The following PCDHGA3 variants were observed in gnomAD, a reference collection of about 807,000 sequenced individuals.
PCDHGA3 encodes the protein protocadherin gamma-A3.
PCDHGA3 carries 40 observed loss-of-function variants against 58.5 expected under a neutral mutation model. That is an observed-to-expected ratio of 0.68 (90% confidence interval 0.53 to 0.89). The LOEUF is 0.89. Among genes scored for constraint, PCDHGA3 ranks in the 40% least tolerant of loss-of-function variants. PCDHGA3 has a pLI of 0.00. For missense variants in PCDHGA3, 1,223 were observed against 1,195.9 expected (o/e 1.02, Z -0.33); for synonymous variants, 530 against 525.7 (o/e 1.01, Z -0.11).
At chr5:141,405,140 G>A in intron 1 of PCDHGA3, 1 of 1,614,072 alleles carries the variant, frequency 6.2e-7, no homozygotes, top group Non-Finnish European at 8.5e-7. Flanking sequence ...GGCTACCAGT[G>A]ATGGGTTGGC....
chr5:141,356,648 A>G (rs1328891530), intron 1 of PCDHGA3: 2 of 1,613,954 alleles, frequency 1.2e-6, no homozygotes, highest in East Asian at 2.2e-5. Context: ...GACAGTGGTG[A>G]CAATGCCCGA....
At chr5:141,413,597 A>C in intron 1 of PCDHGA3, 2 of 1,613,888 alleles carry the variant, frequency 1.2e-6, no homozygotes, top group Non-Finnish European at 8.5e-7. Context: ...CAAGCAGAAA[A>C]TCTAGACGTA....
chr5:141,398,753 G>A (rs141932976), intron 1 of PCDHGA3: 3 of 1,613,452 alleles, frequency 1.9e-6, no homozygotes, highest in East Asian at 2.2e-5. Flanking sequence ...AGTTACCATC[G>A]TTTAGTCCTG....
chr5:141,492,164 C>T (rs1180358388), intron 1 of PCDHGA3, among the ~76,000 whole-genome samples: 2 of 152,230 alleles, frequency 1.3e-5, no homozygotes, highest in East Asian at 1.9e-4. Context: ...CTCCCTATCC[C>T]CGCATCACCC....
intron 1 of PCDHGA3, among the ~76,000 whole-genome samples, chr5:141,434,225 G>A (rs1591320318): frequency 6.6e-6 from 1 of 152,146 alleles, no homozygotes; most frequent in African/African-American, 2.4e-5. Flanking sequence ...AACAAAGTAC[G>A]ATTTCTGGAC....
chr5:141,383,476 GA>G, intron 1 of PCDHGA3: 2 of 1,613,748 alleles, frequency 1.2e-6, no homozygotes, highest in Non-Finnish European at 1.7e-6. Context: ...TAAGTACCCG[GA>G]ACTGGTGCTG....
intron 1 of PCDHGA3, chr5:141,439,735 G>A (rs1317592646): frequency 1.3e-5 from 2 of 152,360 alleles, no homozygotes; most frequent in Non-Finnish European, 2.9e-5. Flanking sequence ...AGCAGGAACG[G>A]AACGGATTTA....
chr5:141,432,665 G>A lies in PCDHGA3; in HGVS notation c.2425-62142G>A. 1 of 1,613,896 alleles carries A rather than the reference G, an allele frequency of 6.2e-7. No individual in the cohort carries two copies. Among genetic ancestry groups the A allele is most frequent in the Non-Finnish European group, 8.5e-7 (1 of 1,179,956 alleles). On this transcript the variant is annotated intron_variant, in intron 1 of 3. Coordinates refer to ENST00000253812, the MANE Select transcript of PCDHGA3 (RefSeq NM_018916.4). The surrounding 1 kb of genome is among the most constrained non-coding windows in gnomAD (Gnocchi z 6.0). ...CACGGCGCGAGCCCTGCTGGACAGA[G>A]ACGCGCTCAAGCAGAGCCTCGTAGT... is the stretch of plus-strand genomic sequence containing the variant.
Position 141,494,920 on chromosome 5 carries a change from G to A in PCDHGA3, c.2483+55G>A, listed in dbSNP as rs1329724849. The A allele has an allele frequency of 1.8e-5, 29 of 1,613,680 alleles. No individual in the cohort carries two copies. The East Asian group carries it at 6.5e-4, about 36-fold the overall frequency. On this transcript the variant is annotated intron_variant, in intron 2 of 3. Coordinates refer to ENST00000253812, the MANE Select transcript of PCDHGA3 (RefSeq NM_018916.4). ...TTCTCTGCGGCATTTTCTCAGGGAT[G>A]ACGTGGGAGGAGATGGGGGAGGGCC...
At chr5:141,481,024 C>CTGGA (rs1200299352) in intron 1 of PCDHGA3, among the ~76,000 whole-genome samples, 3 of 152,122 alleles carry the variant, frequency 2.0e-5, no homozygotes, top group Admixed American at 1.3e-4. Flanking sequence ...CACCACTGCA[C>CTGGA]TCCAGCCTGG....
At chr5:141,383,473 C>A (rs764928203) in intron 1 of PCDHGA3, 1 of 1,613,568 alleles carries the variant, frequency 6.2e-7, no homozygotes, top group African/African-American at 1.3e-5. Flanking sequence ...AACTAAGTAC[C>A]CGGAACTGGT....
intron 1 of PCDHGA3, chr5:141,379,708 G>T (rs1048011684): frequency 2.0e-5 from 3 of 151,950 alleles, no homozygotes; most frequent in Non-Finnish European, 2.9e-5. Flanking sequence ...AAACATCCTG[G>T]CAGTCATGGA....
intron 1 of PCDHGA3, among the ~76,000 whole-genome samples, chr5:141,460,418 G>C (rs905215023): frequency 3.3e-5 from 5 of 152,096 alleles, no homozygotes; most frequent in Admixed American, 6.5e-5. Flanking sequence ...TGATGTTTAT[G>C]TATGGTGTAT....
chr5:141,502,487 C>A (rs563658817), intron 2 of PCDHGA3, among the ~76,000 whole-genome samples: 1 of 152,182 alleles, frequency 6.6e-6, no homozygotes, highest in Non-Finnish European at 1.5e-5. Context: ...CACACTGGGA[C>A]TCATCTAACG....
intron 1 of PCDHGA3, chr5:141,400,326 T>A: frequency 6.2e-7 from 1 of 1,614,104 alleles, no homozygotes; most frequent in Non-Finnish European, 8.5e-7. Flanking sequence ...AGTCTGGACC[T>A]GTGGTTCCCC....
At chr5:141,413,775 G>T in intron 1 of PCDHGA3, 1 of 1,612,878 alleles carries the variant, frequency 6.2e-7, no homozygotes, top group South Asian at 1.1e-5. Context: ...AGCTGGTACT[G>T]GAGCACTCCC....
At position 141,424,003 on chromosome 5, in the gene PCDHGA3, T is replaced by C. The variant is rs150506228; in HGVS notation, c.2425-70804T>C. 5.3e-3 allele frequency: 5,614 copies of C among 1,067,752 alleles called. 27 individuals carry two copies. The highest frequency in any genetic ancestry group is 0.01 in the Admixed American group (195 of 19,092). 66.1% of individuals were successfully genotyped at this position (1,067,752 alleles called of 1,614,324 possible). A position where few individuals can be genotyped will look rare whatever the true frequency, so the allele number is the denominator to read the frequency against. ...AGGCTCTCAATTTATTATATATAGA[T>C]ACAAATTAATGATTCACAAACACTT... On this transcript the variant is annotated intron_variant, in intron 1 of 3. Transcript: ENST00000253812.
At chr5:141,351,860 G>A (rs753655374) in intron 1 of PCDHGA3, 1 of 1,613,258 alleles carries the variant, frequency 6.2e-7, no homozygotes, top group Non-Finnish European at 8.5e-7. Flanking sequence ...CAGGGACCAG[G>A]GCTCCCCCGC....
rs765912906 is a variant in PCDHGA3 at position 141,355,935 on chromosome 5, C to G, written c.2424+9478C>G. The stretch of plus-strand genomic sequence containing the variant: ...ATAATGCTCCCGTGTTCACTCAGCC[C>G]GAGTACCACGTAAGTGTTCGTGAGA... On this transcript the variant is annotated intron_variant, in intron 1 of 3. Coordinates refer to ENST00000253812, the MANE Select transcript of PCDHGA3 (RefSeq NM_018916.4). 4.3e-6 allele frequency: 7 copies of G among 1,613,658 alleles called. No individual in the cohort carries two copies. In the South Asian group the frequency reaches 7.7e-5, roughly 18 times the overall value.
Sources: gnomAD v4.1 joint callset for allele counts (sites outside exome capture counted in the v4.1 genomes callset) on GRCh38, gnomAD v4.1.1 for gene constraint, Gnocchi (gnomAD v3.1) non-coding constraint, MANE v1.5 for transcripts, NCBI Gene and HGNC (gene_info 2026-07-23, HGNC 2026-07-21) for gene names.